Variants in VPS53 observed in about 807,000 individuals in gnomAD.
The protein encoded by VPS53 is VPS53 subunit of GARP complex.
A neutral mutation model predicts 107.0 loss-of-function variants in VPS53; 70 were observed. That is an observed-to-expected ratio of 0.65 (90% CI 0.54 to 0.80). The LOEUF is 0.80. Among genes scored for constraint, VPS53 ranks in the 30% least tolerant of loss-of-function variants. The pLI, the probability that VPS53 is intolerant of heterozygous loss-of-function variation, is 0.00. For missense variants in VPS53, 917 were observed against 1,049.4 expected (o/e 0.87, Z 1.74); for synonymous variants, 409 against 393.3 (o/e 1.04, Z -0.47).
chr17:629,482 G>C (rs989817691), intron 8 of VPS53, among the ~76,000 whole-genome samples: 1 of 152,156 alleles, frequency 6.6e-6, no homozygotes, highest in South Asian at 2.1e-4. Context: ...ACTAGGCTGG[G>C]AGCGGTGGCT....
intron 12 of VPS53, among the ~76,000 whole-genome samples, chr17:588,082 C>G (rs2143001186): frequency 6.6e-6 from 1 of 152,160 alleles, no homozygotes; most frequent in East Asian, 1.9e-4. Context: ...CTTTGGGAGG[C>G]CAAGGTGGGC....
chr17:541,350 T>A (rs1910624200), intron 17 of VPS53, among the ~76,000 whole-genome samples: 1 of 152,188 alleles, frequency 6.6e-6, no homozygotes, highest in Non-Finnish European at 1.5e-5. Context: ...GGAATGTTTG[T>A]CAAGCATCTA....
At chr17:567,139 C>A (rs1913602917) in intron 13 of VPS53, among the ~76,000 whole-genome samples, 1 of 152,186 alleles carries the variant, frequency 6.6e-6, no homozygotes, top group African/African-American at 2.4e-5. Context: ...AAGATGGATA[C>A]TTACTTACTT....
rs1331112104 is a variant in VPS53 at position 667,740 on chromosome 17, C to T, written c.286-5845G>A. Among the ~76,000 whole-genome samples the T allele has an allele frequency of 2.0e-5, 3 of 152,120 alleles. No homozygotes were observed. The East Asian group carries it at 5.8e-4, about 29-fold the overall frequency. On this transcript the variant is annotated intron_variant, in intron 4 of 21. Coordinates refer to ENST00000437048, the MANE Select transcript of VPS53 (RefSeq NM_001128159.3). ...ATTGTTTAGTGCAGGGGACCCCAAG[C>T]CCTGGGCCGTGGGCCAGCACCAGTC...
rs538896260 is a variant in VPS53, at chr17:681,772, C to G, written c.285+15646G>C. Among the ~76,000 whole-genome samples the G allele has an allele frequency of 1.1e-3, 170 of 152,270 alleles. 1 individual carries two copies. Among genetic ancestry groups the G allele is most frequent in the Non-Finnish European group, 2.0e-3 (134 of 68,030 alleles). On this transcript the variant is annotated intron_variant, in intron 4 of 21. Coordinates refer to ENST00000437048, the MANE Select transcript of VPS53 (RefSeq NM_001128159.3). Reference sequence around the variant, plus strand: ...GATGGAGGCACCAGGAGATCTGGTGCCCAGTGAGGGCCCTTTCCTCACAGA... The same window carrying G: ...GATGGAGGCACCAGGAGATCTGGTGGCCAGTGAGGGCCCTTTCCTCACAGA...
chr17:521,577 G>C (rs1458030802), intron 20 of VPS53, 24 bp downstream of exon 20: 2 of 1,510,228 alleles, frequency 1.3e-6, no homozygotes, highest in Non-Finnish European at 1.8e-6. Context: ...TAAATAACTG[G>C]CCCCTTTTAA....
intron 4 of VPS53, among the ~76,000 whole-genome samples, chr17:686,007 T>TA (rs560067921): frequency 0.057 from 8,201 of 143,786 alleles, 291 homozygotes; most frequent in Middle Eastern, 0.15. Context: ...ACCCTGTCTC[T>TA]AAAAAAAAAA....
intron 13 of VPS53, among the ~76,000 whole-genome samples, chr17:565,670 T>A (rs1913432388): frequency 6.6e-6 from 1 of 151,992 alleles, no homozygotes; most frequent in South Asian, 2.1e-4. Flanking sequence ...CAGAGGTTCC[T>A]CGCAACAGCT....
chr17:614,901 C>G (rs1441771712), intron 11 of VPS53, among the ~76,000 whole-genome samples: 1 of 152,106 alleles, frequency 6.6e-6, no homozygotes. Context: ...GAAGGGAAAT[C>G]CAGCTGCATA....
At position 553,505 on chromosome 17, in the gene VPS53, C is replaced by T. The variant is rs778349158; in HGVS notation, c.1705-43G>A. 2.1e-6 allele frequency: 3 copies of T among 1,411,338 alleles called. No homozygotes were observed. In the East Asian group the frequency reaches 6.9e-5, roughly 32 times the overall value. The allele number at this position is 1,411,338 out of a possible 1,614,324, so 87.4% of individuals were successfully genotyped here. On this transcript the variant is annotated intron_variant, in intron 15 of 21. Transcript: ENST00000437048. ...AAATGGATGCACGGTTAATGATTAT[C>T]CAAAGAAGTACCATCACAATAATAG... is the stretch of plus-strand genomic sequence containing the variant.
chr17:617,686 G>C (rs1056311939), intron 11 of VPS53, among the ~76,000 whole-genome samples: 3 of 149,614 alleles, frequency 2.0e-5, no homozygotes, highest in Non-Finnish European at 3.0e-5. Context: ...CGGGTAGCTG[G>C]GACTACAGGC....
chr17:639,063 G>A (rs909792093), intron 7 of VPS53, among the ~76,000 whole-genome samples: 2 of 152,142 alleles, frequency 1.3e-5, no homozygotes, highest in African/African-American at 4.8e-5. Context: ...CCAATAAGAC[G>A]TAGATTTGGT....
At chr17:546,869 CCT>C (rs1491456852) in intron 17 of VPS53, among the ~76,000 whole-genome samples, 18 of 116,624 alleles carry the variant, frequency 1.5e-4, no homozygotes, top group South Asian at 8.8e-4. Context: ...TCCCTTAGAT[CCT>C]TTTTTTTTTT....
chr17:664,224 A>G lies in VPS53; in HGVS notation c.286-2329T>C, dbSNP rs1024822985. 7.9e-5 allele frequency among the ~76,000 whole-genome samples: 12 copies of G among 152,108 alleles called. No homozygotes were observed. In the South Asian group the frequency reaches 1.2e-3, roughly 16 times the overall value. On this transcript the variant is annotated intron_variant, in intron 4 of 21. Coordinates refer to ENST00000437048, the MANE Select transcript of VPS53 (RefSeq NM_001128159.3). The stretch of plus-strand genomic sequence containing the variant: ...CTCCCGAGTAGCTGGGACTACAGGC[A>G]CCTGCCACCACACCTGGCTAATTTT...
intron 7 of VPS53, among the ~76,000 whole-genome samples, chr17:650,269 A>G (rs932568987): frequency 1.3e-5 from 2 of 152,130 alleles, no homozygotes; most frequent in African/African-American, 4.8e-5. Context: ...ATGAGGCAGG[A>G]GGATCACTTG....
intron 11 of VPS53, among the ~76,000 whole-genome samples, chr17:621,094 A>G (rs1969450677): frequency 6.6e-6 from 1 of 152,216 alleles, no homozygotes; most frequent in African/African-American, 2.4e-5. Context: ...TTGCTTCTCT[A>G]CCTACTCTCA....
chr17:709,219 C>T (rs1234061567), intron 2 of VPS53, among the ~76,000 whole-genome samples: 3 of 126,628 alleles, frequency 2.4e-5, no homozygotes, highest in Non-Finnish European at 1.9e-5. Context: ...GGTATCACGG[C>T]GCAGCACGCT....
At chr17:614,235 G>A (rs118008676) in intron 11 of VPS53, among the ~76,000 whole-genome samples, 4,543 of 152,212 alleles carry the variant, frequency 0.03, 119 homozygotes, top group Middle Eastern at 0.075. Context: ...CAACTGAACT[G>A]TATACTTTAA....
intron 11 of VPS53, among the ~76,000 whole-genome samples, chr17:612,112 A>G (rs1036171766): frequency 6.6e-6 from 1 of 152,220 alleles, no homozygotes; most frequent in Non-Finnish European, 1.5e-5. Flanking sequence ...ACCTGTACAG[A>G]TACTCACAGC....
Sources: gnomAD v4.1 joint callset for allele counts (sites outside exome capture counted in the v4.1 genomes callset) on GRCh38, gnomAD v4.1.1 for gene constraint, MANE v1.5 for transcripts, NCBI Gene and HGNC (gene_info 2026-07-23, HGNC 2026-07-21) for gene names.